Variants in PTPRC observed in about 807,000 individuals in gnomAD.
The protein encoded by PTPRC is receptor-type tyrosine-protein phosphatase C.
Under a neutral mutation model 155.9 loss-of-function variants are expected in PTPRC, and 44 were observed. The ratio of observed to expected loss-of-function variants is 0.28; its 90% CI spans 0.22 to 0.36. PTPRC has a LOEUF of 0.36. PTPRC is among the 10% of genes least tolerant of loss of function. The probability of loss-of-function intolerance (pLI) is 1.00; values close to 1 mark genes in which losing one functional copy is unlikely to be tolerated. For synonymous variants in PTPRC, 525 were observed against 533.1 expected, an observed-to-expected ratio of 0.98 and a Z score of 0.21; for missense variants, 1,401 against 1,564.6, an observed-to-expected ratio of 0.90 and a Z score of 1.76.
At chr1:198,705,432 CTTTTTTT>C (rs905823899) in intron 8 of PTPRC, among the ~76,000 whole-genome samples, 2 of 139,436 alleles carry the variant, frequency 1.4e-5, no homozygotes, top group Non-Finnish European at 3.1e-5. Flanking sequence ...TTCTTTCTTT[CTTTTTTT>C]TTTTTTTTTC....
At chr1:198,645,679 A>T (rs1361783942) in intron 2 of PTPRC, among the ~76,000 whole-genome samples, 1 of 151,852 alleles carries the variant, frequency 6.6e-6, no homozygotes, top group East Asian at 1.9e-4. Flanking sequence ...ATTCCAAATG[A>T]TATCTCTTCC....
chr1:198,730,403 G>T (rs1654332626), intron 17 of PTPRC, among the ~76,000 whole-genome samples: 1 of 152,134 alleles, frequency 6.6e-6, no homozygotes, highest in South Asian at 2.1e-4. Context: ...TAACTAGAAT[G>T]TAAGCTTTGT....
chr1:198,642,357 A>AATCTATCTATCT (rs199962274), intron 2 of PTPRC, among the ~76,000 whole-genome samples: 2,194 of 103,240 alleles, frequency 0.021, 32 homozygotes, highest in Middle Eastern at 0.043. Flanking sequence ...TATACTAGTC[A>AATCTATCTATCT]ATCTATCTAT....
At position 198,699,667 on chromosome 1, in the gene PTPRC, A is replaced by G; in HGVS notation, c.402A>G (p.Ala134=). 6.2e-7 allele frequency: 1 copy of G among 1,614,222 alleles called. No individual in the cohort carries two copies. The highest frequency in any genetic ancestry group is 8.5e-7 in the Non-Finnish European group (1 of 1,180,036). ...TQTFSGSAAN[A]KLNPTPGSNA... is the part of the protein sequence containing the mutation. ...CATTCAGCGGCTCCGCCGCCAATGC[A>G]AAACTCAACCCTACCCCAGGCAGCA... Residue 134 remains alanine (A), a synonymous_variant, in exon 5 of 33, where the codon GCA becomes GCG. Transcript: ENST00000442510.
intron 2 of PTPRC, among the ~76,000 whole-genome samples, chr1:198,666,396 C>G (rs116607659): frequency 6.6e-6 from 1 of 152,028 alleles, no homozygotes; most frequent in Non-Finnish European, 1.5e-5. Flanking sequence ...TGAAAAGATT[C>G]TTTTAGTGAT....
At chr1:198,665,034 G>A (rs1664197619) in intron 2 of PTPRC, among the ~76,000 whole-genome samples, 1 of 150,410 alleles carries the variant, frequency 6.6e-6, no homozygotes. Context: ...AATGGGATTG[G>A]AGTCAGTACA....
intron 32 of PTPRC, among the ~76,000 whole-genome samples, chr1:198,754,839 T>G (rs561627088): frequency 1.3e-5 from 2 of 152,256 alleles, no homozygotes; most frequent in East Asian, 3.9e-4. Context: ...GAGACCAGGC[T>G]GACTCATGTG....
At chr1:198,642,714 G>A (rs549372340) in intron 2 of PTPRC, among the ~76,000 whole-genome samples, 1 of 151,800 alleles carries the variant, frequency 6.6e-6, no homozygotes, top group East Asian at 1.9e-4. Flanking sequence ...TTTTTAATCA[G>A]TCTGAAGTCT....
At chr1:198,640,307 A>G (rs1662505997) in intron 2 of PTPRC, among the ~76,000 whole-genome samples, 1 of 152,040 alleles carries the variant, frequency 6.6e-6, no homozygotes, top group Non-Finnish European at 1.5e-5. Flanking sequence ...TCCAAAAAGT[A>G]TAAAAAGTAT....
intron 2 of PTPRC, among the ~76,000 whole-genome samples, chr1:198,680,771 T>C (rs1049476304): frequency 6.6e-6 from 1 of 151,962 alleles, no homozygotes; most frequent in Non-Finnish European, 1.5e-5. Context: ...AGACCACAGA[T>C]AGGAGGAATT....
intron 23 of PTPRC, among the ~76,000 whole-genome samples, chr1:198,739,918 T>C (rs1371172054): frequency 6.6e-6 from 1 of 151,824 alleles, no homozygotes; most frequent in East Asian, 1.9e-4. Flanking sequence ...AAGAATAAGT[T>C]TGGAAACTAT....
At chr1:198,702,353 C>A (rs1319295923) in intron 5 of PTPRC, 34 bp from the exon 6 acceptor site, 2 of 1,614,042 alleles carry the variant, frequency 1.2e-6, no homozygotes, top group African/African-American at 2.7e-5. Context: ...GTGACAGACA[C>A]AAGTGACAGT....
chr1:198,657,784 A>G (rs1327455177), intron 2 of PTPRC: 1 of 152,170 alleles, frequency 6.6e-6, no homozygotes, highest in African/African-American at 2.4e-5. Context: ...CTTTCCATTC[A>G]GAATTGCTGT....
At chr1:198,745,369 A>G (rs539464422) in intron 26 of PTPRC, among the ~76,000 whole-genome samples, 11 of 151,886 alleles carry the variant, frequency 7.2e-5, no homozygotes, top group African/African-American at 2.7e-4. Context: ...TGAGAGTAGA[A>G]ATGCAAGTCG....
chr1:198,734,589 CTA>C (rs1210629284), intron 22 of PTPRC, among the ~76,000 whole-genome samples, 164 bp downstream of exon 22: 1 of 151,668 alleles, frequency 6.6e-6, no homozygotes, highest in Non-Finnish European at 1.5e-5. Flanking sequence ...ATGTAGAAAA[CTA>C]AAACTTTTAA....
At chr1:198,720,581 T>C (rs1378490357) in intron 14 of PTPRC, among the ~76,000 whole-genome samples, 3 of 152,006 alleles carry the variant, frequency 2.0e-5, no homozygotes, top group African/African-American at 7.2e-5. Flanking sequence ...CTGCCCACCT[T>C]ACCTCCCAAA....
In PTPRC at chr1:198,737,848, A is replaced by G. The variant is rs58680146; in HGVS notation, c.2403+2596A>G. On this transcript the variant is annotated intron_variant, in intron 23 of 32. Transcript: ENST00000442510. ...CTTCAATTTCTTGCATCAATGTTTC[A>G]TAGTTTTCATTGTAGAGATCTTTCA... Among the ~76,000 whole-genome samples the G allele has an allele frequency of 5.6e-3, 844 of 151,686 alleles. 14 individuals are homozygous for G. Among genetic ancestry groups the G allele is most frequent in the African/African-American group, 0.019 (801 of 41,448 alleles).
intron 21 of PTPRC, 36 bp from the exon 22 acceptor site, chr1:198,734,292 A>G: frequency 6.2e-7 from 1 of 1,609,810 alleles, no homozygotes; most frequent in Non-Finnish European, 8.5e-7. Context: ...TTTTAAGAAA[A>G]TTTTTCTTAT....
At chr1:198,730,384 A>C (rs555443515) in intron 17 of PTPRC, among the ~76,000 whole-genome samples, 1 of 152,266 alleles carries the variant, frequency 6.6e-6, no homozygotes, top group South Asian at 2.1e-4. Context: ...GTCATTGACT[A>C]TCCTCTCCTA....
Sources: gnomAD v4.1 joint callset for allele counts (sites outside exome capture counted in the v4.1 genomes callset) on GRCh38, gnomAD v4.1.1 for gene constraint, MANE v1.5 for transcripts, NCBI Gene and HGNC (gene_info 2026-07-23, HGNC 2026-07-21) for gene names.